The following BRINP2 variants were observed in gnomAD, a reference collection of about 807,000 sequenced individuals.
The protein encoded by BRINP2 is BMP/retinoic acid inducible neural specific 2.
Under a neutral mutation model 69.2 loss-of-function variants are expected in BRINP2, and 21 were observed. The observed-to-expected ratio is 0.30, with a 90% CI of 0.22 to 0.44. The LOEUF (loss-of-function observed/expected upper bound fraction) is 0.44, where lower values mean the gene tolerates loss of function less well. BRINP2 is among the 20% of genes least tolerant of loss of function. BRINP2 has a pLI of 1.00. For missense variants in BRINP2, 877 were observed against 986.0 expected (o/e 0.89, Z 1.48); for synonymous variants, 380 against 394.1 (o/e 0.96, Z 0.42).
intron 2 of BRINP2, among the ~76,000 whole-genome samples, chr1:177,251,334 G>C: frequency 6.6e-6 from 1 of 152,180 alleles, no homozygotes; most frequent in African/African-American, 2.4e-5. Flanking sequence ...AATGTAAAAA[G>C]TGGAATGTTC....
At chr1:177,256,835 A>C (rs1361695648) in intron 3 of BRINP2, 1 of 1,161,910 alleles carries the variant, frequency 8.6e-7, no homozygotes, top group Non-Finnish European at 1.1e-6. Flanking sequence ...GGAGCAGAAA[A>C]AGCCACGAAG....
intron 2 of BRINP2, 124 bp downstream of exon 2, chr1:177,230,269 AG>A (rs1426123916): frequency 9.5e-7 from 1 of 1,057,940 alleles, no homozygotes; most frequent in Non-Finnish European, 1.3e-6. Context: ...TAGAGGTGAA[AG>A]CTGGAGGAAC....
At position 177,208,328 on chromosome 1, in the gene BRINP2, T is replaced by A. The variant is rs577299807; in HGVS notation, c.-76-21473T>A. ...TGTGGAAAGACAGGCAGGCACTGTATGTAAGTAGGTTAAAGAACAGTGTTG... is the reference window on the plus strand; with the variant it reads ...TGTGGAAAGACAGGCAGGCACTGTAAGTAAGTAGGTTAAAGAACAGTGTTG... On this transcript the variant is annotated intron_variant, in intron 1 of 7. Transcript: ENST00000361539. Among the ~76,000 whole-genome samples the A allele has an allele frequency of 3.3e-5, 5 of 152,334 alleles. No homozygotes were observed. The East Asian group carries it at 9.6e-4, about 29-fold the overall frequency.
chr1:177,235,406 T>A (rs1371446153), intron 2 of BRINP2, among the ~76,000 whole-genome samples: 1 of 152,096 alleles, frequency 6.6e-6, no homozygotes, highest in Non-Finnish European at 1.5e-5. Context: ...AAAATAGGAA[T>A]CCAGAGCGGG....
In BRINP2 at chr1:177,256,041, T is replaced by G; in HGVS notation, c.392T>G (p.Leu131Arg). Residue 131 changes from leucine to arginine, a missense_variant, in exon 3 of 8, where the codon CTG (leucine) becomes CGG (arginine). Coordinates refer to ENST00000361539, the MANE Select transcript of BRINP2 (RefSeq NM_021165.4). ...NIRLLGRRPNLQQVTENLIKK... is the reference protein window; with the variant it reads ...NIRLLGRRPNRQQVTENLIKK... The stretch of plus-strand genomic sequence containing the variant: ...CGCCTCCTTGGAAGGAGACCCAATC[T>G]GCAACAGGTTACAGAAAATCTGATT... 1.9e-6 allele frequency: 3 copies of G among 1,614,216 alleles called. No homozygotes were observed. The highest frequency in any genetic ancestry group is 2.5e-6 in the Non-Finnish European group (3 of 1,180,032).
intron 1 of BRINP2, among the ~76,000 whole-genome samples, chr1:177,195,438 G>C (rs941317419): frequency 6.0e-5 from 9 of 151,012 alleles, no homozygotes; most frequent in Non-Finnish European, 1.0e-4. Context: ...AGGCAGACAC[G>C]CTAAGGACAA....
intron 2 of BRINP2, 71 bp from the exon 3 acceptor site, chr1:177,255,848 C>G (rs1257069027): frequency 3.4e-6 from 5 of 1,461,726 alleles, no homozygotes; most frequent in Non-Finnish European, 4.7e-6. Context: ...AGAACATTAC[C>G]TACTTCAGAT....
chr1:177,271,445 A>C (rs1396038008), intron 4 of BRINP2, among the ~76,000 whole-genome samples: 2 of 152,194 alleles, frequency 1.3e-5, no homozygotes, highest in Non-Finnish European at 2.9e-5. Flanking sequence ...CAGTCCTTTG[A>C]CCTACCTGCT....
At chr1:177,190,094 C>T (rs1156615839) in intron 1 of BRINP2, among the ~76,000 whole-genome samples, 1 of 152,110 alleles carries the variant, frequency 6.6e-6, no homozygotes, top group East Asian at 1.9e-4. Context: ...TCAGAATACC[C>T]TCATCTTTTC....
chr1:177,189,159 G>C (rs1423911108), intron 1 of BRINP2, among the ~76,000 whole-genome samples: 1 of 151,986 alleles, frequency 6.6e-6, no homozygotes, highest in Non-Finnish European at 1.5e-5. Context: ...TACATTGTAT[G>C]ATCTTAATTG....
At chr1:177,280,075 G>T (rs1237418110) in intron 7 of BRINP2, among the ~76,000 whole-genome samples, 1 of 152,192 alleles carries the variant, frequency 6.6e-6, no homozygotes, top group Non-Finnish European at 1.5e-5. Context: ...ATCTTATTTA[G>T]AAGGCTGAAA....
chr1:177,190,446 C>T (rs1381102801), intron 1 of BRINP2, among the ~76,000 whole-genome samples: 2 of 152,210 alleles, frequency 1.3e-5, no homozygotes, highest in African/African-American at 2.4e-5. Flanking sequence ...CACTTCTCTG[C>T]AATCTCTTTC....
intron 1 of BRINP2, among the ~76,000 whole-genome samples, chr1:177,192,764 T>G (rs1242107367): frequency 8.5e-5 from 13 of 152,226 alleles, no homozygotes; most frequent in Admixed American, 8.5e-4. Context: ...AAATATCTAA[T>G]TATGAGTAAT....
At position 177,281,533 on chromosome 1, in the gene BRINP2, C is replaced by T. The variant is rs200891877; in HGVS notation, c.*5C>T. On this transcript the variant is annotated 3_prime_UTR_variant, in exon 8 of 8. Coordinates refer to ENST00000361539, the MANE Select transcript of BRINP2 (RefSeq NM_021165.4). ...ACCGGCAAACTCTGTAGCTAATGGG[C>T]GGCCCACTTCAGCACTGGGCAAGGA... is the stretch of plus-strand genomic sequence containing the variant. The T allele has an allele frequency of 4.4e-5, 70 of 1,591,234 alleles. 1 individual carries two copies. Among genetic ancestry groups the T allele is most frequent in the African/African-American group, 4.3e-4 (32 of 74,730 alleles).
At chr1:177,206,340 A>T (rs1474411806) in intron 1 of BRINP2, among the ~76,000 whole-genome samples, 1 of 152,226 alleles carries the variant, frequency 6.6e-6, no homozygotes, top group Non-Finnish European at 1.5e-5. Flanking sequence ...AAATTTTGTT[A>T]TAAGGTAAGA....
chr1:177,178,938 G>A (rs1005732605), intron 1 of BRINP2, among the ~76,000 whole-genome samples: 2 of 152,130 alleles, frequency 1.3e-5, no homozygotes, highest in African/African-American at 4.8e-5. Context: ...TAGTACTTAA[G>A]TGTCAGGCAG....
At chr1:177,237,407 CA>C (rs75078473) in intron 2 of BRINP2, among the ~76,000 whole-genome samples, 53,940 of 151,964 alleles carry the variant, frequency 0.35, 10,171 homozygotes, top group South Asian at 0.54. Context: ...AATACATTCT[CA>C]GTGATTGATG....
chr1:177,276,369 T>C lies in BRINP2; in HGVS notation c.947T>C (p.Met316Thr), dbSNP rs772422730. Residue 316 changes from methionine to threonine, a missense_variant, in exon 6 of 8, where the codon ATG (methionine) becomes ACG (threonine). Coordinates refer to ENST00000361539, the MANE Select transcript of BRINP2 (RefSeq NM_021165.4). ...TGCCCTGATGCTGACATCCAGGCCA[T>C]GGAGGACAGCCTGCTGCAGATCCAG... Reference protein sequence around the residue: ...CNCPDADIQAMEDSLLQIQDS... With the variant: ...CNCPDADIQATEDSLLQIQDS... The C allele has an allele frequency of 5.0e-6, 8 of 1,614,100 alleles. No homozygotes were observed. Among genetic ancestry groups the C allele is most frequent in the African/African-American group, 1.3e-5 (1 of 74,932 alleles).
chr1:177,275,878 T>A (rs937113796), intron 5 of BRINP2, among the ~76,000 whole-genome samples: 4 of 152,230 alleles, frequency 2.6e-5, no homozygotes, highest in African/African-American at 7.2e-5. Context: ...CCTGTTTCCA[T>A]CCCAGAAATG....
Sources: allele counts gnomAD v4.1 joint callset (sites outside exome capture counted in the v4.1 genomes callset), GRCh38; gene constraint gnomAD v4.1.1; transcripts MANE v1.5; gene names NCBI Gene and HGNC (gene_info 2026-07-23, HGNC 2026-07-21).